SERTAD4: variants seen among roughly 807,000 people sequenced by gnomAD.
The protein encoded by SERTAD4 is SERTA domain-containing protein 4.
A neutral mutation model predicts 32.9 loss-of-function variants in SERTAD4; 18 were observed. The ratio of observed to expected loss-of-function variants is 0.55; its 90% confidence interval spans 0.38 to 0.81. The LOEUF (loss-of-function observed/expected upper bound fraction) is 0.81. Among genes scored for constraint, SERTAD4 ranks in the 30% least tolerant of loss-of-function variants. The pLI, the probability that SERTAD4 is intolerant of heterozygous loss-of-function variation, is 0.00. For missense variants in SERTAD4, 383 were observed against 426.0 expected (o/e 0.90, Z 0.89); for synonymous variants, 150 against 156.4 (o/e 0.96, Z 0.30).
chr1:210,242,697 G>A lies in SERTAD4; in HGVS notation c.*360G>A, dbSNP rs2147850368. ...CTAAGAAATTTCTACATGTTTGCCA[G>A]TTAATTAGGGAGTTATTTGGTAAGC... On this transcript the variant is annotated 3_prime_UTR_variant, in exon 4 of 4. Coordinates refer to ENST00000367012, the MANE Select transcript of SERTAD4 (RefSeq NM_019605.5). This position sits in a 1 kb window ranked among gnomAD's most constrained non-coding sequence, Gnocchi z 4.0. The A allele has an allele frequency of 9.8e-7, 1 of 1,022,880 alleles. No homozygotes were observed. The allele number at this position is 1,022,880 out of a possible 1,614,324, so 63.4% of individuals were successfully genotyped here. A position where few individuals can be genotyped will look rare whatever the true frequency, so the allele number is the denominator to read the frequency against.
At position 210,242,032 on chromosome 1, in the gene SERTAD4, AGT is replaced by A; in HGVS notation, c.768_769del (p.Ser256ArgfsTer8). The A allele has an allele frequency of 6.2e-7, 1 of 1,614,134 alleles. No individual in the cohort carries two copies. The highest frequency in any genetic ancestry group is 8.5e-7 in the Non-Finnish European group (1 of 1,180,032). On this transcript the variant is annotated frameshift_variant, in exon 4 of 4. Coordinates refer to ENST00000367012, the MANE Select transcript of SERTAD4 (RefSeq NM_019605.5). LOFTEE classifies it high-confidence loss of function. This position sits in a 1 kb window ranked among gnomAD's most constrained non-coding sequence, Gnocchi z 4.0. ...FDVGSASIYK[S>X]DGQIPANEIF... ...TGTAGGTAGTGCATCTATTTACAAGAGTGATGGCCAGATACCTGCCAATGAAA... is the reference window on the plus strand; with the variant it reads ...TGTAGGTAGTGCATCTATTTACAAGAGATGGCCAGATACCTGCCAATGAAA...
At chr1:210,240,464 G>A (rs1430643939) in intron 3 of SERTAD4, among the ~76,000 whole-genome samples, 1 of 152,162 alleles carries the variant, frequency 6.6e-6, no homozygotes. Flanking sequence ...GCATTGGTAG[G>A]TACTGGGCTT....
Position 210,241,547 on chromosome 1 carries a change from TTGG to T in SERTAD4, c.292-9_292-7del. The T allele has an allele frequency of 1.1e-5, 16 of 1,485,080 alleles. No individual in the cohort carries two copies. The highest frequency in any genetic ancestry group is 4.6e-5 in the South Asian group (3 of 65,922). The allele number at this position is 1,485,080 out of a possible 1,614,324, so 92.0% of individuals were successfully genotyped here. A position where few individuals can be genotyped will look rare whatever the true frequency, so the allele number is the denominator to read the frequency against. On this transcript the variant is annotated splice_polypyrimidine_tract_variant and splice_region_variant and intron_variant, in intron 3 of 3. Coordinates refer to ENST00000367012, the MANE Select transcript of SERTAD4 (RefSeq NM_019605.5). ...GTTTGTTTTTTTCTTTTTTTTTTTT[TTGG>T]TTTGTAGACCATCTCAATTTTTGAG...
At chr1:210,236,028 A>T (rs1377373035) in intron 1 of SERTAD4, among the ~76,000 whole-genome samples, 1 of 152,196 alleles carries the variant, frequency 6.6e-6, no homozygotes, top group Non-Finnish European at 1.5e-5. Flanking sequence ...TGTCTCTTAG[A>T]ATAGGTGAAG....
chr1:210,235,873 G>A (rs1389299439), intron 1 of SERTAD4, among the ~76,000 whole-genome samples: 1 of 152,206 alleles, frequency 6.6e-6, no homozygotes, highest in African/African-American at 2.4e-5. Flanking sequence ...TAGGCAAAAG[G>A]CTTGCATCTT....
chr1:210,236,509 A>T (rs895196166), intron 1 of SERTAD4, among the ~76,000 whole-genome samples: 3 of 152,174 alleles, frequency 2.0e-5, no homozygotes, highest in Non-Finnish European at 2.9e-5. Context: ...CCAGAAGGAC[A>T]TTGTCACTTT....
chr1:210,239,662 C>T (rs1439954162), intron 3 of SERTAD4, 54 bp downstream of exon 3: 1 of 1,009,648 alleles, frequency 9.9e-7, no homozygotes. Context: ...TACTTAGTAA[C>T]AGTTGCTTGA....
At chr1:210,233,667 G>A in intron 1 of SERTAD4, 2 of 469,876 alleles carry the variant, frequency 4.3e-6, no homozygotes, top group South Asian at 3.1e-5. Context: ...TGCCCGCCTG[G>A]TCCACGCCTC....
Position 210,245,776 on chromosome 1 carries a change from G to A in SERTAD4, c.*3439G>A, listed in dbSNP as rs1423575777. The stretch of plus-strand genomic sequence containing the variant: ...ATGAACTTGTATTACAGCTCCACTT[G>A]GTGACTTCCTTTCTGTGTATCAGGA... On this transcript the variant is annotated 3_prime_UTR_variant, in exon 4 of 4. Transcript: ENST00000367012. The A allele has an allele frequency of 1.0e-5, 10 of 980,954 alleles. No homozygotes were observed. The African/African-American group carries it at 1.1e-4, about 10-fold the overall frequency. 60.8% of individuals were successfully genotyped at this position (980,954 alleles called of 1,614,324 possible). A position where few individuals can be genotyped will look rare whatever the true frequency, so the allele number is the denominator to read the frequency against.
chr1:210,233,733 G>C (rs536674802), intron 1 of SERTAD4: 3 of 471,084 alleles, frequency 6.4e-6, no homozygotes, highest in East Asian at 1.4e-4. Flanking sequence ...AACTTTCCGA[G>C]TGCCCAGCTG....
In SERTAD4 at chr1:210,245,833, A is replaced by C; in HGVS notation, c.*3496A>C. 1.0e-6 allele frequency: 1 copy of C among 985,370 alleles called. No homozygotes were observed. The highest frequency in any genetic ancestry group is 1.2e-6 in the Non-Finnish European group (1 of 829,882). The allele number at this position is 985,370 out of a possible 1,614,324, so 61.0% of individuals were successfully genotyped here. A position where few individuals can be genotyped will look rare whatever the true frequency, so the allele number is the denominator to read the frequency against. On this transcript the variant is annotated 3_prime_UTR_variant, in exon 4 of 4. Transcript: ENST00000367012. ...CAGAGGACAACTTGTAGAAGACATG[A>C]CCATTAAGAGACATCAACTTCGCAA...
Position 210,243,285 on chromosome 1 carries a change from G to T in SERTAD4, c.*948G>T. 1 of 332,970 alleles carries T rather than the reference G, an allele frequency of 3.0e-6. No individual in the cohort carries two copies. The highest frequency in any genetic ancestry group is 4.3e-6 in the Non-Finnish European group (1 of 234,774). The allele number at this position is 332,970 out of a possible 1,614,324, so 20.6% of individuals were successfully genotyped here. A position where few individuals can be genotyped will look rare whatever the true frequency, so the allele number is the denominator to read the frequency against. On this transcript the variant is annotated 3_prime_UTR_variant, in exon 4 of 4. Transcript: ENST00000367012. Reference sequence around the variant, plus strand: ...GAGAGAGCTGTTAGAAAGCAGCACGGGCTGCTCGAGCTTTTCTATGGCAAC... The same window carrying T: ...GAGAGAGCTGTTAGAAAGCAGCACGTGCTGCTCGAGCTTTTCTATGGCAAC...
chr1:210,245,323 C>G lies in SERTAD4; in HGVS notation c.*2986C>G, dbSNP rs556560024. The G allele has an allele frequency of 1.3e-5, 2 of 152,170 alleles. No individual in the cohort carries two copies. The highest frequency in any genetic ancestry group is 2.9e-5 in the Non-Finnish European group (2 of 68,040). 9.4% of individuals were successfully genotyped at this position (152,170 alleles called of 1,614,324 possible). On this transcript the variant is annotated 3_prime_UTR_variant, in exon 4 of 4. Coordinates refer to ENST00000367012, the MANE Select transcript of SERTAD4 (RefSeq NM_019605.5). ...AAGAGTGCCTTTAATTGCTATTCCC[C>G]TAGGCATCTGGGTGCATATCATTAA...
chr1:210,238,594 C>T (rs896082527), intron 2 of SERTAD4, among the ~76,000 whole-genome samples: 1 of 152,124 alleles, frequency 6.6e-6, no homozygotes, highest in Admixed American at 6.5e-5. Flanking sequence ...GCCCAGTGTT[C>T]CATTATTGGA....
intron 1 of SERTAD4, chr1:210,233,984 GTTTT>G (rs36086035): frequency 3.2e-4 from 108 of 340,866 alleles, no homozygotes; most frequent in East Asian, 1.9e-3. Flanking sequence ...AGGAAACTTG[GTTTT>G]TTTTTTAAAA....
chr1:210,243,114 A>AAAAAAAAAAAAC lies in SERTAD4; in HGVS notation c.*778_*779insAAAAAAAAAACA. ...AGGACAAAAAAAAAAAAAAAAAAAA[A>AAAAAAAAAAAAC]ACCACAGGGTGGATCAATATGGTTT... On this transcript the variant is annotated 3_prime_UTR_variant, in exon 4 of 4. Coordinates refer to ENST00000367012, the MANE Select transcript of SERTAD4 (RefSeq NM_019605.5). The AAAAAAAAAAAAC allele has an allele frequency of 4.3e-6, 3 of 695,858 alleles. No individual in the cohort carries two copies. The highest frequency in any genetic ancestry group is 6.7e-5 in the South Asian group (1 of 14,878). The allele number at this position is 695,858 out of a possible 1,614,324, so 43.1% of individuals were successfully genotyped here.
At chr1:210,235,368 C>T (rs1347827849) in intron 1 of SERTAD4, among the ~76,000 whole-genome samples, 3 of 152,176 alleles carry the variant, frequency 2.0e-5, no homozygotes, top group African/African-American at 7.2e-5. Flanking sequence ...AATTTGTTAA[C>T]ATCCAGTGTA....
intron 3 of SERTAD4, 32 bp from the exon 4 acceptor site, chr1:210,241,526 G>GTTTTTTTCTTTTTTTTTTTTTTTTT: frequency 7.0e-7 from 1 of 1,431,926 alleles, no homozygotes; most frequent in South Asian, 1.5e-5. Context: ...TTTTCTGTTT[G>GTTTTTTTCTTTTTTTTTTTTTTTTT]TTTTTTTCTT....
In SERTAD4 at chr1:210,245,861, A is replaced by G; in HGVS notation, c.*3524A>G. 1 of 985,306 alleles carries G rather than the reference A, an allele frequency of 1.0e-6. No individual in the cohort carries two copies. Among genetic ancestry groups the G allele is most frequent in the Non-Finnish European group, 1.2e-6 (1 of 829,826 alleles). The allele number at this position is 985,306 out of a possible 1,614,324, so 61.0% of individuals were successfully genotyped here. ...ATTAAGAGACATCAACTTCGCAACA[A>G]ATATAAGACAAGGATACAAGGATTC... On this transcript the variant is annotated 3_prime_UTR_variant, in exon 4 of 4. Coordinates refer to ENST00000367012, the MANE Select transcript of SERTAD4 (RefSeq NM_019605.5).
Sources: gnomAD v4.1 joint callset for allele counts (sites outside exome capture counted in the v4.1 genomes callset) on GRCh38, gnomAD v4.1.1 for gene constraint, Gnocchi (gnomAD v3.1) non-coding constraint, MANE v1.5 for transcripts, NCBI Gene and HGNC (gene_info 2026-07-23, HGNC 2026-07-21) for gene names.